SET: variants seen among roughly 807,000 people sequenced by gnomAD.
The protein encoded by SET is SET nuclear proto-oncogene, also known as protein SET.
In SET, 4 loss-of-function variants were observed where a neutral mutation model predicts 39.0. The ratio of observed to expected loss-of-function variants is 0.10; its 90% CI spans 0.05 to 0.23. The LOEUF (loss-of-function observed/expected upper bound fraction) is 0.23. Among genes scored for constraint, SET ranks in the 10% least tolerant of loss-of-function variants. SET has a pLI of 1.00. For missense variants in SET, 137 were observed against 329.7 expected (o/e 0.42, Z 4.53); for synonymous variants, 114 against 115.9 (o/e 0.98, Z 0.11).
At chr9:128,693,346 C>T (rs1036578129) in intron 5 of SET, among the ~76,000 whole-genome samples, 1 of 152,172 alleles carries the variant, frequency 6.6e-6, no homozygotes, top group African/African-American at 2.4e-5. Flanking sequence ...CTTGCCATTT[C>T]TCAAAATCAT....
chr9:128,685,337 A>C, upstream of SET: 1 of 786,668 alleles, frequency 1.3e-6, no homozygotes, highest in Non-Finnish European at 2.1e-6. Context: ...CTAGCACATC[A>C]TCAGTGCTCT....
chr9:128,688,990 C>T (rs1861384513), upstream of SET, among the ~76,000 whole-genome samples: 2 of 151,616 alleles, frequency 1.3e-5, no homozygotes, highest in Admixed American at 1.3e-4. Context: ...CTGCCGCGCG[C>T]CAGTGTCCTG....
At position 128,692,397 on chromosome 9, in the gene SET, C is replaced by CAAAA. The variant is rs58637669; in HGVS notation, c.275-243_275-240dup. ...CTGGGCGACAAGAGTGAGACTGTTT[C>CAAAA]AAAAAAAAAAAAAAAAAAAAAAAAA... On this transcript the variant is annotated intron_variant, in intron 3 of 7. Coordinates refer to ENST00000322030, the MANE Select transcript of SET (RefSeq NM_003011.4). The CAAAA allele has an allele frequency of 9.9e-3, 744 of 75,460 alleles. 4 individuals carry two copies. The highest frequency in any genetic ancestry group is 0.029 in the South Asian group (117 of 4,004). 4.7% of individuals were successfully genotyped at this position (75,460 alleles called of 1,614,324 possible).
intron 1 of SET, chr9:128,690,213 G>A (rs1345233394): frequency 6.5e-6 from 1 of 153,694 alleles, no homozygotes; most frequent in Non-Finnish European, 1.4e-5. Context: ...CGGCCGGGAG[G>A]ATGCTCTGGC....
upstream of SET, chr9:128,689,094 CTG>C (rs1252539406): frequency 5.4e-6 from 1 of 183,910 alleles, no homozygotes; most frequent in Non-Finnish European, 1.0e-5. Flanking sequence ...TCGCCGGGCC[CTG>C]TGTCTCCGCG....
In SET at chr9:128,689,672, C is replaced by G; in HGVS notation, c.73+17C>G. ...AGACCTCAGGTGAGAGCAGCGAGCC[C>G]GGGGGCCGGCCCGCGCCGCCATCTT... On this transcript the variant is annotated intron_variant, in intron 1 of 7. Coordinates refer to ENST00000322030, the MANE Select transcript of SET (RefSeq NM_003011.4). 1.0e-6 allele frequency: 1 copy of G among 971,792 alleles called. No individual in the cohort carries two copies. The highest frequency in any genetic ancestry group is 4.6e-5 in the East Asian group (1 of 21,890). The allele number at this position is 971,792 out of a possible 1,614,324, so 60.2% of individuals were successfully genotyped here. A position where few individuals can be genotyped will look rare whatever the true frequency, so the allele number is the denominator to read the frequency against.
rs1487262829 is a variant in SET at position 128,694,849 on chromosome 9, T to C, written c.*185T>C. Reference sequence around the variant, plus strand: ...TTGGGGGGAAATACCTTGAGCAGAATACAATGGGAAAAGAGTCTCTACCCC... The same window carrying C: ...TTGGGGGGAAATACCTTGAGCAGAACACAATGGGAAAAGAGTCTCTACCCC... On this transcript the variant is annotated 3_prime_UTR_variant, in exon 8 of 8. Coordinates refer to ENST00000322030, the MANE Select transcript of SET (RefSeq NM_003011.4). The C allele has an allele frequency of 9.3e-6, 4 of 428,136 alleles. No individual in the cohort carries two copies. The highest frequency in any genetic ancestry group is 1.6e-5 in the Non-Finnish European group (4 of 251,778). 26.5% of individuals were successfully genotyped at this position (428,136 alleles called of 1,614,324 possible). A position where few individuals can be genotyped will look rare whatever the true frequency, so the allele number is the denominator to read the frequency against.
chr9:128,689,352 G>C lies in SET; in HGVS notation c.-231G>C. 1 of 1,047,536 alleles carries C rather than the reference G, an allele frequency of 9.5e-7. No homozygotes were observed. The highest frequency in any genetic ancestry group is 1.2e-6 in the Non-Finnish European group (1 of 866,232). The allele number at this position is 1,047,536 out of a possible 1,614,324, so 64.9% of individuals were successfully genotyped here. On this transcript the variant is annotated 5_prime_UTR_variant, in exon 1 of 8. Coordinates refer to ENST00000322030, the MANE Select transcript of SET (RefSeq NM_003011.4). ...CGCCTCCGCCTCCCCTCCGCGAACA[G>C]GAGCCCGGGCCGGGGCCCGGCACGC...
upstream of SET, among the ~76,000 whole-genome samples, chr9:128,688,739 G>A (rs1564357600): frequency 6.6e-6 from 1 of 152,206 alleles, no homozygotes; most frequent in Non-Finnish European, 1.5e-5. Context: ...GCCCGAGTTT[G>A]AGTCCGATCG....
upstream of SET, among the ~76,000 whole-genome samples, chr9:128,688,324 T>G (rs77594831): frequency 6.4e-3 from 975 of 152,342 alleles, 9 homozygotes; most frequent in African/African-American, 0.023. Context: ...AAAAGTATTA[T>G]TTAAACAAAA....
In SET at chr9:128,694,049, G is replaced by T; in HGVS notation, c.810+7G>T. 1 of 1,512,980 alleles carries T rather than the reference G, an allele frequency of 6.6e-7. No homozygotes were observed. Among genetic ancestry groups the T allele is most frequent in the Non-Finnish European group, 8.9e-7 (1 of 1,122,510 alleles). The allele number at this position is 1,512,980 out of a possible 1,614,324, so 93.7% of individuals were successfully genotyped here. A position where few individuals can be genotyped will look rare whatever the true frequency, so the allele number is the denominator to read the frequency against. On this transcript the variant is annotated splice_region_variant and intron_variant, in intron 7 of 7. Coordinates refer to ENST00000322030, the MANE Select transcript of SET (RefSeq NM_003011.4). ...TGAAGGGGAGGAAGGAGAGGTAAAA[G>T]AAAATTTGGCTAAACCCACAAAGAT...
upstream of SET, chr9:128,685,125 A>G: frequency 6.4e-7 from 1 of 1,564,552 alleles, no homozygotes; most frequent in Non-Finnish European, 8.7e-7. Flanking sequence ...CTCAGTGTGG[A>G]CCTGTTGGCA....
intron 1 of SET, chr9:128,690,719 C>A (rs1861500623): frequency 5.5e-6 from 1 of 182,060 alleles, no homozygotes; most frequent in South Asian, 1.0e-4. Flanking sequence ...CGTCAACTTT[C>A]TATGAAAGGT....
At position 128,689,267 on chromosome 9, in the gene SET, G is replaced by A. The variant is rs965880770; in HGVS notation, c.-316G>A. On this transcript the variant is annotated 5_prime_UTR_variant, in exon 1 of 8. Transcript: ENST00000322030. The stretch of plus-strand genomic sequence containing the variant: ...GGAGGAGGAGGCGGCTCGGGAGAGC[G>A]AGCAGCGAGCTGGCTGGATCGCCGA... 3.0e-5 allele frequency: 30 copies of A among 1,008,486 alleles called. No individual in the cohort carries two copies. The highest frequency in any genetic ancestry group is 9.1e-5 in the South Asian group (2 of 21,958). 62.5% of individuals were successfully genotyped at this position (1,008,486 alleles called of 1,614,324 possible).
At chr9:128,685,542 C>T (rs560665452), upstream of SET, among the ~76,000 whole-genome samples, 1 of 152,332 alleles carries the variant, frequency 6.6e-6, no homozygotes, top group South Asian at 2.1e-4. Flanking sequence ...TCTATCCTCA[C>T]AGCCGTATGC....
upstream of SET, among the ~76,000 whole-genome samples, chr9:128,687,134 G>A (rs911177788): frequency 1.3e-5 from 2 of 152,112 alleles, no homozygotes; most frequent in Non-Finnish European, 2.9e-5. Context: ...GAGGTGGGCA[G>A]ATCACCTGAG....
chr9:128,694,796 T>C lies in SET; in HGVS notation c.*132T>C, dbSNP rs1200016949. ...CAGTCGCCCTGTTCTTGAGGTCTCT[T>C]TTCTCTACTCCATGGTTCTCAATTT... On this transcript the variant is annotated 3_prime_UTR_variant, in exon 8 of 8. Transcript: ENST00000322030. The C allele has an allele frequency of 7.3e-6, 4 of 548,992 alleles. No individual in the cohort carries two copies. Among genetic ancestry groups the C allele is most frequent in the Admixed American group, 3.7e-5 (1 of 27,038 alleles). 34.0% of individuals were successfully genotyped at this position (548,992 alleles called of 1,614,324 possible).
At chr9:128,693,524 A>T in intron 5 of SET, 114 bp from the exon 6 acceptor site, 1 of 1,042,516 alleles carries the variant, frequency 9.6e-7, no homozygotes, top group South Asian at 1.7e-5. Flanking sequence ...TAGCGTAGAT[A>T]GTATACTGAT....
chr9:128,689,564 C>G lies in SET; in HGVS notation c.-19C>G, dbSNP rs774568299. 19 of 1,343,334 alleles carry G rather than the reference C, an allele frequency of 1.4e-5. No homozygotes were observed. Among genetic ancestry groups the G allele is most frequent in the South Asian group, 1.6e-5 (1 of 63,852 alleles). The allele number at this position is 1,343,334 out of a possible 1,614,324, so 83.2% of individuals were successfully genotyped here. ...TTCTCTCCCCCTCCCCGCTCCCCCC[C>G]CGACCGCGGAGCAGCACCATGTCGG... On this transcript the variant is annotated 5_prime_UTR_variant, in exon 1 of 8. Transcript: ENST00000322030.
Sources: allele counts gnomAD v4.1 joint callset (sites outside exome capture counted in the v4.1 genomes callset), GRCh38; gene constraint gnomAD v4.1.1; transcripts MANE v1.5; gene names NCBI Gene and HGNC (gene_info 2026-07-23, HGNC 2026-07-21).